Variants in KLHL32 observed in about 807,000 individuals in gnomAD.
The protein encoded by KLHL32 is kelch-like protein 32.
In KLHL32, 35 loss-of-function variants were observed where a neutral mutation model predicts 64.8. That is an observed-to-expected ratio of 0.54 (90% CI 0.41 to 0.72). The LOEUF (loss-of-function observed/expected upper bound fraction) is 0.72. Ranked by LOEUF, KLHL32 falls within the 30% of genes least tolerant of loss-of-function variation. The probability of loss-of-function intolerance (pLI) is 0.00; values close to 1 mark genes in which losing one functional copy is unlikely to be tolerated. For missense variants in KLHL32, 589 were observed against 768.5 expected, an observed-to-expected ratio of 0.77 and a Z score of 2.76; for synonymous variants, 259 against 281.0, an observed-to-expected ratio of 0.92 and a Z score of 0.78.
At chr6:97,054,710 A>G (rs1787512163) in intron 4 of KLHL32, among the ~76,000 whole-genome samples, 1 of 152,212 alleles carries the variant, frequency 6.6e-6, no homozygotes, top group Non-Finnish European at 1.5e-5. Context: ...ATAGTAATTG[A>G]ATAGACAGAT....
intron 3 of KLHL32, among the ~76,000 whole-genome samples, chr6:96,989,808 T>G (rs1334797894): frequency 6.6e-6 from 1 of 152,218 alleles, no homozygotes; most frequent in Non-Finnish European, 1.5e-5. Flanking sequence ...TTTAAACTTT[T>G]GGCTGACTGA....
chr6:97,004,209 T>A (rs914935713), intron 3 of KLHL32, among the ~76,000 whole-genome samples: 6 of 152,198 alleles, frequency 3.9e-5, no homozygotes, highest in African/African-American at 7.2e-5. Context: ...GTTGGTTATA[T>A]TCCAGGTATT....
intron 3 of KLHL32, among the ~76,000 whole-genome samples, chr6:96,989,031 C>G (rs191561020): frequency 6.6e-6 from 1 of 152,146 alleles, no homozygotes; most frequent in Non-Finnish European, 1.5e-5. Context: ...GTGCAGCACA[C>G]CAGCATGGCA....
intron 1 of KLHL32, among the ~76,000 whole-genome samples, chr6:96,927,908 A>G (rs116727348): frequency 3.9e-5 from 6 of 152,216 alleles, no homozygotes; most frequent in Non-Finnish European, 7.3e-5. Flanking sequence ...AGCTACTTCC[A>G]TATCGGCTTC....
At chr6:97,069,820 C>T (rs994664497) in intron 5 of KLHL32, among the ~76,000 whole-genome samples, 5 of 151,846 alleles carry the variant, frequency 3.3e-5, no homozygotes, top group Admixed American at 6.6e-5. Context: ...ATACTTTCTT[C>T]GGGGATTAAA....
At chr6:96,942,200 C>T (rs1325122983) in intron 1 of KLHL32, among the ~76,000 whole-genome samples, 1 of 152,182 alleles carries the variant, frequency 6.6e-6, no homozygotes, top group Non-Finnish European at 1.5e-5. Context: ...CCTTTTGCAG[C>T]CCAAGATCTG....
At chr6:96,952,420 A>G (rs1351604684) in intron 1 of KLHL32, among the ~76,000 whole-genome samples, 21 of 152,196 alleles carry the variant, frequency 1.4e-4, no homozygotes, top group Admixed American at 1.2e-3. Context: ...TGTAAAGAAT[A>G]TGACAGCAAG....
chr6:96,971,519 G>T (rs1351239600), intron 2 of KLHL32, among the ~76,000 whole-genome samples: 2 of 152,126 alleles, frequency 1.3e-5, no homozygotes, highest in Non-Finnish European at 2.9e-5. Context: ...TCTTTCCTGA[G>T]ACCTCGTTTA....
At chr6:96,970,068 G>A (rs996266222) in intron 2 of KLHL32, among the ~76,000 whole-genome samples, 2 of 152,134 alleles carry the variant, frequency 1.3e-5, no homozygotes, top group African/African-American at 4.8e-5. Context: ...ACCAAGACCT[G>A]TAGATTTTCC....
chr6:96,988,272 C>A (rs1231267944), intron 3 of KLHL32, among the ~76,000 whole-genome samples: 39 of 152,282 alleles, frequency 2.6e-4, no homozygotes, highest in Admixed American at 2.2e-3. Context: ...AAACAAACAA[C>A]CCCATCCACA....
At chr6:96,956,002 G>A (rs1773211469) in intron 1 of KLHL32, among the ~76,000 whole-genome samples, 1 of 152,110 alleles carries the variant, frequency 6.6e-6, no homozygotes, top group Non-Finnish European at 1.5e-5. Context: ...ATGTTTATTG[G>A]ACTTACAGTT....
intron 5 of KLHL32, among the ~76,000 whole-genome samples, chr6:97,065,403 G>A (rs538617535): frequency 1.3e-3 from 198 of 152,306 alleles, no homozygotes; most frequent in Non-Finnish European, 2.5e-3. Flanking sequence ...GAGGCAATAT[G>A]GCTGGTAGGA....
intron 6 of KLHL32, among the ~76,000 whole-genome samples, chr6:97,090,719 A>T (rs1794100951): frequency 6.6e-6 from 1 of 152,264 alleles, no homozygotes; most frequent in Non-Finnish European, 1.5e-5. Context: ...AGTTTTGAAA[A>T]TGCATCTTCA....
intron 3 of KLHL32, among the ~76,000 whole-genome samples, chr6:97,031,631 C>T (rs1783569010): frequency 6.6e-6 from 1 of 152,098 alleles, no homozygotes; most frequent in Non-Finnish European, 1.5e-5. Context: ...ACCCACGGTG[C>T]CTGGCAATGT....
In KLHL32 at chr6:96,978,908, CT is replaced by C. The variant is rs369633174; in HGVS notation, c.204+2738del. Among the ~76,000 whole-genome samples, 1,492 of 152,134 alleles carry C rather than the reference CT, an allele frequency of 9.8e-3. 34 individuals are homozygous for C. Among genetic ancestry groups the C allele is most frequent in the African/African-American group, 0.034 (1,424 of 41,528 alleles). On this transcript the variant is annotated intron_variant, in intron 3 of 10. Transcript: ENST00000369261. Reference sequence around the variant, plus strand: ...CTCTAATGATTAGTAATGTTGAGCACTTTTTTTATATGCTTGTTGGCTGCAT... The same window carrying C: ...CTCTAATGATTAGTAATGTTGAGCACTTTTTTATATGCTTGTTGGCTGCAT...
chr6:97,069,692 T>C (rs1790395456), intron 5 of KLHL32, among the ~76,000 whole-genome samples: 1 of 152,116 alleles, frequency 6.6e-6, no homozygotes, highest in African/African-American at 2.4e-5. Context: ...GATTGAAAGG[T>C]GCCTCCATTA....
At chr6:97,100,094 A>G (rs1299254008) in intron 6 of KLHL32, among the ~76,000 whole-genome samples, 1 of 152,070 alleles carries the variant, frequency 6.6e-6, no homozygotes, top group East Asian at 1.9e-4. Context: ...GTACGCCAAG[A>G]TTGTGCCACT....
chr6:96,941,359 C>T (rs1771262389), intron 1 of KLHL32, among the ~76,000 whole-genome samples: 1 of 152,102 alleles, frequency 6.6e-6, no homozygotes, highest in Non-Finnish European at 1.5e-5. Flanking sequence ...AGTGGTGAAA[C>T]AAACATGCAT....
chr6:97,122,832 A>G (rs1265829657), intron 7 of KLHL32, among the ~76,000 whole-genome samples: 1 of 152,232 alleles, frequency 6.6e-6, no homozygotes, highest in Non-Finnish European at 1.5e-5. Context: ...GGATATAGTC[A>G]TGTAGGACCC....
Sources: gnomAD v4.1 joint callset for allele counts (sites outside exome capture counted in the v4.1 genomes callset) on GRCh38, gnomAD v4.1.1 for gene constraint, MANE v1.5 for transcripts, NCBI Gene and HGNC (gene_info 2026-07-23, HGNC 2026-07-21) for gene names.